BCL11B: variants seen among roughly 807,000 people sequenced by gnomAD.
BCL11B encodes the protein B-cell lymphoma/leukemia 11B.
A neutral mutation model predicts 49.9 loss-of-function variants in BCL11B; 8 were observed. That is an observed-to-expected ratio of 0.16 (90% CI 0.09 to 0.29). The LOEUF (loss-of-function observed/expected upper bound fraction) is 0.29, where lower values mean the gene tolerates loss of function less well. BCL11B is among the 10% of genes least tolerant of loss of function. The pLI, the probability that BCL11B is intolerant of heterozygous loss-of-function variation, is 1.00. For synonymous variants in BCL11B, 739 were observed against 637.4 expected, an observed-to-expected ratio of 1.16 and a Z score of -2.40; for missense variants, 1,006 against 1,351.0, an observed-to-expected ratio of 0.74 and a Z score of 4.00.
chr14:99,234,880 A>AAAAAAAAAAG (rs143975117), intron 2 of BCL11B, among the ~76,000 whole-genome samples: 3 of 119,936 alleles, frequency 2.5e-5, no homozygotes, highest in Non-Finnish European at 3.4e-5. Flanking sequence ...AAAAAAAAAA[A>AAAAAAAAAAG]GTCTAAAAAT....
chr14:99,266,269 G>T (rs920011854), intron 1 of BCL11B, among the ~76,000 whole-genome samples: 3 of 152,088 alleles, frequency 2.0e-5, no homozygotes, highest in African/African-American at 7.2e-5. Flanking sequence ...GCTGTTTTAG[G>T]TACACGACTC....
Position 99,228,936 on chromosome 14 carries a change from ATGAACGGATGGG to A in BCL11B, c.640+2397_640+2408del. ...AATAAATGGATGGATGGATGGATGG[ATGAACGGATGGG>A]TGGATGGATGGATGCATGGATGGAT... On this transcript the variant is annotated intron_variant, in intron 3 of 3. Transcript: ENST00000357195. The surrounding 1 kb of genome is among the most constrained non-coding windows in gnomAD (Gnocchi z 4.8). Among the ~76,000 whole-genome samples the A allele has an allele frequency of 6.6e-6, 1 of 152,170 alleles. No homozygotes were observed.
At chr14:99,259,276 G>A (rs563248713) in intron 1 of BCL11B, among the ~76,000 whole-genome samples, 21 of 152,282 alleles carry the variant, frequency 1.4e-4, no homozygotes, top group Non-Finnish European at 2.6e-4. Context: ...AATACATTCC[G>A]TGGCAGTGAA....
chr14:99,243,918 T>TA (rs200999902), intron 2 of BCL11B, among the ~76,000 whole-genome samples: 24 of 128,162 alleles, frequency 1.9e-4, no homozygotes, highest in African/African-American at 6.3e-4. Flanking sequence ...ACATTGCTCC[T>TA]AAAAAAAAAA....
rs886081883 is a variant in BCL11B at position 99,192,311 on chromosome 14, C to A, written c.641-16116G>T. On this transcript the variant is annotated intron_variant, in intron 3 of 3. Coordinates refer to ENST00000357195, the MANE Select transcript of BCL11B (RefSeq NM_138576.4). This position sits in a 1 kb window ranked among gnomAD's most constrained non-coding sequence, Gnocchi z 4.0. ...TTTTAAGCGCCCCAGCCACGCTTCC[C>A]TAATAACAGCCTGGGAACTGCAAAA... Among the ~76,000 whole-genome samples the A allele has an allele frequency of 1.3e-5, 2 of 152,142 alleles. No individual in the cohort carries two copies. Among genetic ancestry groups the A allele is most frequent in the Admixed American group, 1.3e-4 (2 of 15,264 alleles).
chr14:99,229,316 AGTCCTCATAAG>A (rs1362651594), intron 3 of BCL11B, among the ~76,000 whole-genome samples: 2 of 152,208 alleles, frequency 1.3e-5, no homozygotes, highest in Non-Finnish European at 2.9e-5. Context: ...CTCCATACAC[AGTCCTCATAAG>A]GATCCTAGTG....
intron 3 of BCL11B, among the ~76,000 whole-genome samples, chr14:99,226,590 T>G (rs1888168140): frequency 6.6e-6 from 1 of 152,242 alleles, no homozygotes; most frequent in South Asian, 2.1e-4. Context: ...TGGTATGAAA[T>G]GTGCAAAGCA....
Position 99,271,710 on chromosome 14 carries a change from C to T in BCL11B, c.-492G>A, listed in dbSNP as rs1487054597. 6.6e-6 allele frequency among the ~76,000 whole-genome samples: 1 copy of T among 150,834 alleles called. No homozygotes were observed. Among genetic ancestry groups the T allele is most frequent in the East Asian group, 1.9e-4 (1 of 5,130 alleles). ...CTTTCAGGGTCTGGTAGGTGGAAAGCGCACTTCTACCAGGAGGGGAAAAAA... is the reference window on the plus strand; with the variant it reads ...CTTTCAGGGTCTGGTAGGTGGAAAGTGCACTTCTACCAGGAGGGGAAAAAA... On this transcript the variant is annotated 5_prime_UTR_variant, in exon 1 of 4. Coordinates refer to ENST00000357195, the MANE Select transcript of BCL11B (RefSeq NM_138576.4).
chr14:99,190,302 TA>T (rs1435873038), intron 3 of BCL11B, among the ~76,000 whole-genome samples: 3 of 152,094 alleles, frequency 2.0e-5, no homozygotes, highest in Non-Finnish European at 4.4e-5. Context: ...TCTTGGCTAA[TA>T]CAGTGAAACC....
intron 3 of BCL11B, among the ~76,000 whole-genome samples, chr14:99,179,602 G>A (rs1886642459): frequency 1.3e-5 from 2 of 151,708 alleles, no homozygotes; most frequent in African/African-American, 4.8e-5. Flanking sequence ...GGATTTCAGG[G>A]CCACCCGTCC....
intron 3 of BCL11B, among the ~76,000 whole-genome samples, chr14:99,222,866 TTTCC>T (rs1888051433): frequency 6.6e-6 from 1 of 151,298 alleles, no homozygotes; most frequent in African/African-American, 2.4e-5. Context: ...TCTTTCCTTC[TTTCC>T]TTCCTTTCTT....
At chr14:99,182,810 A>G (rs1007530428) in intron 3 of BCL11B, among the ~76,000 whole-genome samples, 2 of 152,198 alleles carry the variant, frequency 1.3e-5, no homozygotes, top group Non-Finnish European at 1.5e-5. Context: ...CTTTAACCCC[A>G]GGCTCCAGGC....
chr14:99,175,837 C>T lies in BCL11B; in HGVS notation c.999G>A (p.Glu333=), dbSNP rs1473508245. The change falls in exon 4 of 4, where the codon GAG becomes GAA. Residue 333 remains glutamate, a synonymous_variant. Transcript: ENST00000357195. ...HHLDPHRLSA[E]EMGLVAQHPS... ...GGTGCTGGGCGACGAGCCCCATCTC[C>T]TCGGCACTGAGGCGGTGCGGGTCCA... 2.7e-6 allele frequency: 4 copies of T among 1,479,122 alleles called. No homozygotes were observed. The highest frequency in any genetic ancestry group is 3.6e-6 in the Non-Finnish European group (4 of 1,121,188). The allele number at this position is 1,479,122 out of a possible 1,614,324, so 91.6% of individuals were successfully genotyped here.
intron 3 of BCL11B, among the ~76,000 whole-genome samples, chr14:99,198,229 T>C (rs1396002156): frequency 6.6e-6 from 1 of 152,230 alleles, no homozygotes; most frequent in Non-Finnish European, 1.5e-5. Context: ...TGTGGAAACC[T>C]TTACAGGTAC....
chr14:99,246,195 A>T (rs939561645), intron 2 of BCL11B, among the ~76,000 whole-genome samples: 1 of 151,962 alleles, frequency 6.6e-6, no homozygotes, highest in Admixed American at 6.5e-5. Flanking sequence ...TCAGGGGAGG[A>T]AGAAAGGAGC....
intron 3 of BCL11B, among the ~76,000 whole-genome samples, chr14:99,216,973 TAC>T (rs958938879): frequency 1.3e-5 from 2 of 152,014 alleles, no homozygotes; most frequent in South Asian, 2.1e-4. Flanking sequence ...CGTGTGTGCA[TAC>T]ACACAAATAC....
At position 99,175,696 on chromosome 14, in the gene BCL11B, C is replaced by G. The variant is rs1030819909; in HGVS notation, c.1140G>C (p.Val380=). The G allele has an allele frequency of 1.2e-5, 18 of 1,516,658 alleles. No individual in the cohort carries two copies. Among genetic ancestry groups the G allele is most frequent in the Non-Finnish European group, 1.5e-5 (17 of 1,147,058 alleles). 94.0% of individuals were successfully genotyped at this position (1,516,658 alleles called of 1,614,324 possible). Residue 380 remains valine (V), a synonymous_variant, in exon 4 of 4, where the codon GTG becomes GTC. Coordinates refer to ENST00000357195, the MANE Select transcript of BCL11B (RefSeq NM_138576.4). ...GCATAGGGTTGCCGCGGCCCGGGGA[C>G]ACGGGCGGCGGCGTGGAGCTGTTGC... ...LAGNSSTPPP[V]SPGRGNPMHR... is the part of the protein sequence containing the mutation.
intron 2 of BCL11B, among the ~76,000 whole-genome samples, chr14:99,254,859 C>T (rs1889112852): frequency 6.6e-6 from 1 of 151,978 alleles, no homozygotes; most frequent in Non-Finnish European, 1.5e-5. Context: ...GCTTGCTTTA[C>T]ACATGAATTG....
At chr14:99,255,498 A>G (rs1335463896) in intron 2 of BCL11B, among the ~76,000 whole-genome samples, 1 of 151,086 alleles carries the variant, frequency 6.6e-6, no homozygotes, top group African/African-American at 2.4e-5. Flanking sequence ...TTTGCCTTTT[A>G]TGAAATCACA....
Sources: allele counts gnomAD v4.1 joint callset (sites outside exome capture counted in the v4.1 genomes callset), GRCh38; gene constraint gnomAD v4.1.1; non-coding constraint Gnocchi (gnomAD v3.1); transcripts MANE v1.5; gene names NCBI Gene and HGNC (gene_info 2026-07-23, HGNC 2026-07-21).